ZNF680: variants seen among roughly 807,000 people sequenced by gnomAD.
ZNF680 encodes hypothetical protein FLJ90430.
Under a neutral mutation model 12.1 loss-of-function variants are expected in ZNF680, and 6 were observed. The ratio of observed to expected loss-of-function variants is 0.49; its 90% confidence interval spans 0.27 to 0.98. ZNF680 has a LOEUF of 0.98. Ranked by LOEUF, ZNF680 falls within the 50% of genes least tolerant of loss-of-function variation. The pLI is 0.12. For synonymous variants in ZNF680, 170 were observed against 199.3 expected (o/e 0.85, Z 1.24); for missense variants, 561 against 616.3 (o/e 0.91, Z 0.95).
chr7:64,501,762 T>C, the ZNF680 span: 1 of 832,030 alleles, frequency 1.2e-6, no homozygotes, highest in Non-Finnish European at 2.1e-6. Flanking sequence ...CTTATCCCAA[T>C]ATTTGTTTAC....
chr7:64,542,661 T>C (rs982600955), intron 3 of ZNF680, among the ~76,000 whole-genome samples: 1 of 152,216 alleles, frequency 6.6e-6, no homozygotes, highest in Non-Finnish European at 1.5e-5. Context: ...GGTAAAAAAA[T>C]CTTTACAATA....
intron 3 of ZNF680, among the ~76,000 whole-genome samples, chr7:64,523,515 ATTCT>A (rs1791658363): frequency 1.3e-5 from 2 of 152,160 alleles, no homozygotes; most frequent in South Asian, 2.1e-4. Context: ...ATAAAATAAC[ATTCT>A]TTCTCTTTCA....
intron 1 of ZNF680, among the ~76,000 whole-genome samples, chr7:64,550,609 C>G (rs1307477680): frequency 6.6e-6 from 1 of 152,148 alleles, no homozygotes; most frequent in Non-Finnish European, 1.5e-5. Flanking sequence ...AGTTTGTGAG[C>G]CTCATGGTCT....
In ZNF680 at chr7:64,563,043, G is replaced by A. The variant is rs1787835631; in HGVS notation, c.-89C>T. On this transcript the variant is annotated 5_prime_UTR_variant, in exon 1 of 4. Coordinates refer to ENST00000309683, the MANE Select transcript of ZNF680 (RefSeq NM_178558.5). ...AGAATACACAGAGCAGTAAAGACTA[G>A]ACCTGGAGCTCCCGCAGCAGCTAGA... The A allele has an allele frequency of 8.1e-6, 12 of 1,482,816 alleles. No homozygotes were observed. Among genetic ancestry groups the A allele is most frequent in the African/African-American group, 1.4e-5 (1 of 71,878 alleles). 91.9% of individuals were successfully genotyped at this position (1,482,816 alleles called of 1,614,324 possible). A position where few individuals can be genotyped will look rare whatever the true frequency, so the allele number is the denominator to read the frequency against.
Position 64,543,751 on chromosome 7 carries a change from T to C in ZNF680, c.209A>G (p.Glu70Gly). ...CTCCTGTCTCTTCCTATTCCAGGGCTCTTTTCCTTGCTCCAAACAGGTTAT... is the reference window on the plus strand; with the variant it reads ...CTCCTGTCTCTTCCTATTCCAGGGCCCTTTTCCTTGCTCCAAACAGGTTAT... ...HLITCLEQGK[E>G]PWNRKRQEMV... Residue 70 changes from glutamate to glycine, a missense_variant, in exon 3 of 4, where the codon GAG (glutamate) becomes GGG (glycine). Coordinates refer to ENST00000309683, the MANE Select transcript of ZNF680 (RefSeq NM_178558.5). 1 of 1,613,774 alleles carries C rather than the reference T, an allele frequency of 6.2e-7. No homozygotes were observed. Among genetic ancestry groups the C allele is most frequent in the Non-Finnish European group, 8.5e-7 (1 of 1,179,822 alleles).
At chr7:64,545,987 A>G (rs1034830652) in intron 1 of ZNF680, among the ~76,000 whole-genome samples, 4 of 152,248 alleles carry the variant, frequency 2.6e-5, no homozygotes, top group African/African-American at 9.6e-5. Flanking sequence ...TGCATGGCAC[A>G]TAAGAAGCCA....
At chr7:64,547,537 C>T (rs1046041276) in intron 1 of ZNF680, among the ~76,000 whole-genome samples, 1 of 152,144 alleles carries the variant, frequency 6.6e-6, no homozygotes, top group Non-Finnish European at 1.5e-5. Context: ...TGATTTAATC[C>T]TCATAACACC....
chr7:64,559,325 A>G (rs992091596), intron 1 of ZNF680, among the ~76,000 whole-genome samples: 1 of 152,184 alleles, frequency 6.6e-6, no homozygotes, highest in African/African-American at 2.4e-5. Flanking sequence ...GGCAACTTCT[A>G]GGAAAGGCTT....
chr7:64,525,851 C>A, intron 3 of ZNF680: 1 of 984,844 alleles, frequency 1.0e-6, no homozygotes, highest in African/African-American at 1.7e-5. Context: ...ATTAAATAAC[C>A]ATTTGCAACA....
At chr7:64,547,612 T>C (rs1000549894) in intron 1 of ZNF680, among the ~76,000 whole-genome samples, 1 of 152,206 alleles carries the variant, frequency 6.6e-6, no homozygotes, top group East Asian at 1.9e-4. Context: ...TTATTTCTTC[T>C]GTTTCTCTGT....
At chr7:64,560,939 AACTC>A (rs1787700167) in intron 1 of ZNF680, 1 of 152,208 alleles carries the variant, frequency 6.6e-6, no homozygotes, top group Non-Finnish European at 1.5e-5. Flanking sequence ...TTTTTTCTGA[AACTC>A]ACCTCTTTTA....
intron 3 of ZNF680, among the ~76,000 whole-genome samples, chr7:64,527,573 T>C (rs1437252454): frequency 6.6e-6 from 1 of 151,782 alleles, no homozygotes; most frequent in Non-Finnish European, 1.5e-5. Flanking sequence ...CACAGGCCTA[T>C]AATCCCAGCT....
At chr7:64,557,183 A>G (rs6971827) in intron 1 of ZNF680, among the ~76,000 whole-genome samples, 34,174 of 151,704 alleles carry the variant, frequency 0.23, 4,031 homozygotes, top group South Asian at 0.28. Flanking sequence ...CCTGGGAGGT[A>G]GAGCTTGCAG....
At chr7:64,501,508 A>G in the ZNF680 span, 2 of 795,796 alleles carry the variant, frequency 2.5e-6, no homozygotes, top group African/African-American at 3.4e-5. Flanking sequence ...GAGATGAAGA[A>G]CGGTAAGTGA....
rs1791599908 is a variant in ZNF680, at chr7:64,522,495, A to G, written c.259T>C (p.Tyr87His). Residue 87 changes from tyrosine (Y) to histidine (H), a missense_variant, in exon 4 of 4, where the codon TAT becomes CAT. By Grantham distance (83) the Tyr-to-His change is moderately conservative. Transcript: ENST00000309683. ...CAAAGGTCTTCAGTGAAATGAGAATATATAACTGAAAGACATAAAAGTAAC... is the reference window on the plus strand; with the variant it reads ...CAAAGGTCTTCAGTGAAATGAGAATGTATAACTGAAAGACATAAAAGTAAC... Reference protein sequence around the residue: ...QEMVAKPPVIYSHFTEDLWPE... With the variant: ...QEMVAKPPVIHSHFTEDLWPE... The G allele has an allele frequency of 6.8e-7, 1 of 1,473,052 alleles. No individual in the cohort carries two copies. The highest frequency in any genetic ancestry group is 9.0e-7 in the Non-Finnish European group (1 of 1,110,582). The allele number at this position is 1,473,052 out of a possible 1,614,324, so 91.2% of individuals were successfully genotyped here.
chr7:64,511,635 T>C, the ZNF680 span, among the ~76,000 whole-genome samples: 1 of 58,478 alleles, frequency 1.7e-5, no homozygotes, highest in Admixed American at 1.7e-4. Flanking sequence ...AGACACTTTC[T>C]TTAAAAAAAA....
At chr7:64,517,301 C>G (rs1367392433), downstream of ZNF680, among the ~76,000 whole-genome samples, 1 of 151,954 alleles carries the variant, frequency 6.6e-6, no homozygotes, top group Non-Finnish European at 1.5e-5. Flanking sequence ...AAAGATCATT[C>G]AAGGCTACTA....
At chr7:64,503,870 A>T in the ZNF680 span, among the ~76,000 whole-genome samples, 1 of 152,202 alleles carries the variant, frequency 6.6e-6, no homozygotes, top group Non-Finnish European at 1.5e-5. Flanking sequence ...TGAGAATAGC[A>T]GTTTCCTGGC....
At chr7:64,505,176 C>G in the ZNF680 span, among the ~76,000 whole-genome samples, 1 of 152,248 alleles carries the variant, frequency 6.6e-6, no homozygotes, top group Non-Finnish European at 1.5e-5. Context: ...TTTCAAAAAG[C>G]ATGGCAATTA....
Sources: allele counts gnomAD v4.1 joint callset (sites outside exome capture counted in the v4.1 genomes callset), GRCh38; gene constraint gnomAD v4.1.1; transcripts MANE v1.5; gene names NCBI Gene and HGNC (gene_info 2026-07-23, HGNC 2026-07-21).